Variants in GRM7 observed in about 807,000 individuals in gnomAD.
The protein encoded by GRM7 is glutamate metabotropic receptor 7, also known as metabotropic glutamate receptor 7.
Under a neutral mutation model 84.5 loss-of-function variants are expected in GRM7, and 35 were observed. The observed-to-expected ratio is 0.41, with a 90% CI of 0.32 to 0.55. GRM7 has a LOEUF of 0.55. Ranked by LOEUF, GRM7 falls within the 20% of genes least tolerant of loss-of-function variation. GRM7 has a pLI of 0.19. For missense variants in GRM7, 1,003 were observed against 1,194.6 expected, an observed-to-expected ratio of 0.84 and a Z score of 2.36; for synonymous variants, 487 against 455.1, an observed-to-expected ratio of 1.07 and a Z score of -0.89.
chr3:7,490,119 T>G (rs2124949071), intron 7 of GRM7, among the ~76,000 whole-genome samples: 1 of 152,244 alleles, frequency 6.6e-6, no homozygotes, highest in East Asian at 1.9e-4. Flanking sequence ...CAAGTTTACA[T>G]AACTGATAAA....
At chr3:7,676,994 G>A (rs1413928257) in intron 8 of GRM7, among the ~76,000 whole-genome samples, 1 of 151,948 alleles carries the variant, frequency 6.6e-6, no homozygotes, top group East Asian at 1.9e-4. Flanking sequence ...GGGCATGGTG[G>A]CTCACGCCTG....
intron 2 of GRM7, among the ~76,000 whole-genome samples, chr3:7,226,861 A>G (rs1391554938): frequency 6.6e-6 from 1 of 152,124 alleles, no homozygotes; most frequent in Non-Finnish European, 1.5e-5. Context: ...AAGGGTCTTT[A>G]TTATTTCGTT....
At chr3:7,244,571 TAA>T (rs1353802888) in intron 2 of GRM7, among the ~76,000 whole-genome samples, 4 of 152,088 alleles carry the variant, frequency 2.6e-5, no homozygotes, top group Non-Finnish European at 2.9e-5. Flanking sequence ...CACCTTATTT[TAA>T]ACTCCAGAAG....
chr3:7,571,531 C>T (rs896432193), intron 7 of GRM7, among the ~76,000 whole-genome samples: 1 of 152,192 alleles, frequency 6.6e-6, no homozygotes, highest in African/African-American at 2.4e-5. Context: ...TTCCTCATCT[C>T]CATCTGACAC....
intron 2 of GRM7, among the ~76,000 whole-genome samples, chr3:7,236,979 T>C (rs553146152): frequency 3.9e-5 from 6 of 152,276 alleles, no homozygotes; most frequent in Non-Finnish European, 5.9e-5. Context: ...GATGTGGTTA[T>C]TGAAAAAAGG....
At chr3:6,996,029 C>A (rs1008149870) in intron 1 of GRM7, among the ~76,000 whole-genome samples, 3 of 151,882 alleles carry the variant, frequency 2.0e-5, no homozygotes, top group Non-Finnish European at 2.9e-5. Flanking sequence ...ATGACATGTC[C>A]TTTTCTGTGT....
chr3:7,050,119 A>C (rs190239999), intron 1 of GRM7, among the ~76,000 whole-genome samples: 114 of 152,004 alleles, frequency 7.5e-4, no homozygotes, highest in Non-Finnish European at 1.3e-3. Context: ...AGGTCTGTGG[A>C]AAGTCACATG....
In GRM7 at chr3:6,947,284, C is replaced by T. The variant is rs538135346; in HGVS notation, c.519+85377C>T. On this transcript the variant is annotated intron_variant, in intron 1 of 9. Transcript: ENST00000357716. The stretch of plus-strand genomic sequence containing the variant: ...TGAAGGGTTGTTGAATTTTGTCAAA[C>T]GCCTTTTCTGCGTTTATTGAGATAA... 2.2e-4 allele frequency among the ~76,000 whole-genome samples: 34 copies of T among 152,144 alleles called. 1 individual carries two copies. Among genetic ancestry groups the T allele is most frequent in the South Asian group, 1.0e-3 (5 of 4,814 alleles).
chr3:7,309,559 T>C (rs1700318971), intron 4 of GRM7, among the ~76,000 whole-genome samples: 1 of 152,176 alleles, frequency 6.6e-6, no homozygotes, highest in Non-Finnish European at 1.5e-5. Context: ...AATCTACCTT[T>C]TTTTCCCTTT....
chr3:7,247,624 G>GAAGA (rs1426155143), intron 2 of GRM7, among the ~76,000 whole-genome samples: 3 of 134,954 alleles, frequency 2.2e-5, no homozygotes, highest in Non-Finnish European at 4.8e-5. Flanking sequence ...AAAAAAAGAA[G>GAAGA]AAGAAAGAAA....
chr3:7,431,309 C>T (rs1048187617), intron 5 of GRM7, among the ~76,000 whole-genome samples: 1 of 151,848 alleles, frequency 6.6e-6, no homozygotes, highest in Non-Finnish European at 1.5e-5. Context: ...GAATCCAGAC[C>T]CCCAACCTAC....
chr3:7,024,044 C>T (rs1414478668), intron 1 of GRM7, among the ~76,000 whole-genome samples: 1 of 152,148 alleles, frequency 6.6e-6, no homozygotes, highest in Non-Finnish European at 1.5e-5. Context: ...AGGCCCACTC[C>T]CTTACAGGAC....
At position 7,356,500 on chromosome 3, in the gene GRM7, C is replaced by T. The variant is rs144173216; in HGVS notation, c.1033+49848C>T. Among the ~76,000 whole-genome samples the T allele has an allele frequency of 2.6e-5, 4 of 152,114 alleles. No individual in the cohort carries two copies. The East Asian group carries it at 7.8e-4, about 30-fold the overall frequency. On this transcript the variant is annotated intron_variant, in intron 4 of 9. Coordinates refer to ENST00000357716, the MANE Select transcript of GRM7 (RefSeq NM_000844.4). ...CATTTTTAGTACAGATGAGGTTTCA[C>T]TATGTTGCCTAGCCTGGTCTCAAAC...
At chr3:7,530,747 G>C (rs1701006319) in intron 7 of GRM7, among the ~76,000 whole-genome samples, 1 of 151,286 alleles carries the variant, frequency 6.6e-6, no homozygotes, top group Non-Finnish European at 1.5e-5. Context: ...GCCTTCTTTT[G>C]AGGAGTGTCT....
At chr3:7,487,478 TG>T (rs1026711056) in intron 7 of GRM7, among the ~76,000 whole-genome samples, 1 of 152,114 alleles carries the variant, frequency 6.6e-6, no homozygotes, top group Non-Finnish European at 1.5e-5. Flanking sequence ...GGGACAGGTT[TG>T]GAATGTTCTC....
At chr3:6,900,338 G>A (rs924186065) in intron 1 of GRM7, among the ~76,000 whole-genome samples, 6 of 152,156 alleles carry the variant, frequency 3.9e-5, no homozygotes, top group Non-Finnish European at 5.9e-5. Flanking sequence ...ACTGGAGGGC[G>A]TGAAATCAGT....
At chr3:7,550,577 C>CTCTCTCTGTG (rs1211953579) in intron 7 of GRM7, among the ~76,000 whole-genome samples, 1 of 52,978 alleles carries the variant, frequency 1.9e-5, no homozygotes, top group African/African-American at 6.4e-5. Flanking sequence ...CTCTCTCTCT[C>CTCTCTCTGTG]TGTGTGTGTG....
At position 7,610,834 on chromosome 3, in the gene GRM7, G is replaced by A. The variant is rs574708405; in HGVS notation, c.2451+31477G>A. 2.0e-5 allele frequency among the ~76,000 whole-genome samples: 3 copies of A among 152,186 alleles called. No homozygotes were observed. The South Asian group carries it at 6.2e-4, about 32-fold the overall frequency. Reference sequence around the variant, plus strand: ...CGTAGTCATCACACTATGCACTGGAGTGAAAAACTACAACCAACAGGATGT... The same window carrying A: ...CGTAGTCATCACACTATGCACTGGAATGAAAAACTACAACCAACAGGATGT... On this transcript the variant is annotated intron_variant, in intron 8 of 9. Coordinates refer to ENST00000357716, the MANE Select transcript of GRM7 (RefSeq NM_000844.4).
chr3:6,870,565 G>C (rs1026685649), intron 1 of GRM7, among the ~76,000 whole-genome samples: 11 of 152,140 alleles, frequency 7.2e-5, no homozygotes, highest in Non-Finnish European at 1.3e-4. Context: ...TTTAGCAGAG[G>C]TATGAGATGA....
Sources: allele counts gnomAD v4.1 joint callset (sites outside exome capture counted in the v4.1 genomes callset), GRCh38; gene constraint gnomAD v4.1.1; transcripts MANE v1.5; gene names NCBI Gene and HGNC (gene_info 2026-07-23, HGNC 2026-07-21).